The following ARHGAP11A variants were observed in gnomAD, a reference collection of about 807,000 sequenced individuals.
ARHGAP11A encodes the protein Rho GTPase activating protein 11A.
Under a neutral mutation model 60.5 loss-of-function variants are expected in ARHGAP11A, and 36 were observed. The observed-to-expected ratio is 0.59, with a 90% CI of 0.46 to 0.79. The LOEUF is 0.79. Among genes scored for constraint, ARHGAP11A ranks in the 30% least tolerant of loss-of-function variants. ARHGAP11A has a pLI of 0.00. For synonymous variants in ARHGAP11A, 362 were observed against 415.5 expected (o/e 0.87, Z 1.57); for missense variants, 1,071 against 1,199.2 (o/e 0.89, Z 1.58).
chr15:32,622,247 G>A (rs1435697834), intron 2 of ARHGAP11A, among the ~76,000 whole-genome samples: 3 of 152,302 alleles, frequency 2.0e-5, no homozygotes, highest in African/African-American at 4.8e-5. Context: ...GTGAAATCTT[G>A]TCTCTACAAA....
At position 32,636,656 on chromosome 15, in the gene ARHGAP11A, A is replaced by G. The variant is rs769722243; in HGVS notation, c.1883A>G (p.Lys628Arg). 6.2e-7 allele frequency: 1 copy of G among 1,613,904 alleles called. No homozygotes were observed. The highest frequency in any genetic ancestry group is 2.2e-5 in the East Asian group (1 of 44,856). Reference sequence around the variant, plus strand: ...TCAGTAACTAATGTGGGGAAAGTAAAATTAACTGAACCATCTTATTTAGAA... The same window carrying G: ...TCAGTAACTAATGTGGGGAAAGTAAGATTAACTGAACCATCTTATTTAGAA... Reference protein sequence around the residue: ...QSSVTNVGKVKLTEPSYLEDS... With the variant: ...QSSVTNVGKVRLTEPSYLEDS... Residue 628 changes from lysine to arginine, a missense_variant, in exon 12 of 12, where the codon AAA (lysine) becomes AGA (arginine). Transcript: ENST00000361627.
Position 32,636,355 on chromosome 15 carries a change from A to G in ARHGAP11A, c.1582A>G (p.Ser528Gly). ...RMSWTGPNNSSFQEVDANEAS... is the reference protein window; with the variant it reads ...RMSWTGPNNSGFQEVDANEAS... ...GTCTTGGACAGGACCTAATAATTCA[A>G]GTTTTCAAGAAGTAGATGCAAATGA... Residue 528 changes from serine to glycine, a missense_variant, in exon 12 of 12, where the codon AGT (serine) becomes GGT (glycine). Ser to Gly is a moderately conservative substitution (Grantham distance 56). This residue lies in a region of ARHGAP11A where 776 missense variants were observed against 760.2 expected (regional missense o/e 1.02). Transcript: ENST00000361627. 1 of 1,614,118 alleles carries G rather than the reference A, an allele frequency of 6.2e-7. No individual in the cohort carries two copies.
At chr15:32,628,384 C>A (rs933022145) in intron 6 of ARHGAP11A, among the ~76,000 whole-genome samples, 6 of 152,098 alleles carry the variant, frequency 3.9e-5, no homozygotes, top group African/African-American at 1.4e-4. Flanking sequence ...TTTATTCGTG[C>A]CTCCATTTCC....
chr15:32,616,255 T>C lies in ARHGAP11A; in HGVS notation c.44T>C (p.Leu15Pro), dbSNP rs2053140042. 1 of 1,614,032 alleles carries C rather than the reference T, an allele frequency of 6.2e-7. No individual in the cohort carries two copies. Among genetic ancestry groups the C allele is most frequent in the South Asian group, 1.1e-5 (1 of 91,084 alleles). The change falls in exon 1 of 12, where the codon CTG (leucine) becomes CCG (proline). Residue 15 changes from leucine to proline, a missense_variant. By Grantham distance (98) the Leu-to-Pro change is moderately conservative. Around this residue, in one of 4 missense-constraint regions of ARHGAP11A, gnomAD observed 28 missense variants for 24.5 expected, o/e 1.14. Coordinates refer to ENST00000361627, the MANE Select transcript of ARHGAP11A (RefSeq NM_014783.6). The stretch of plus-strand genomic sequence containing the variant: ...GTGAGGTTGGCCCTGTTGCAGCATC[T>C]GCGGGCCTTCTATGGTATTAAGGTG... Reference protein sequence around the residue: ...RLVRLALLQHLRAFYGIKVKG... With the variant: ...RLVRLALLQHPRAFYGIKVKG...
chr15:32,616,837 C>T (rs143402948), intron 1 of ARHGAP11A, among the ~76,000 whole-genome samples: 2,295 of 152,316 alleles, frequency 0.015, 68 homozygotes, highest in African/African-American at 0.053. Context: ...GCATTTTCTA[C>T]ATGAATCTGT....
intron 8 of ARHGAP11A, 35 bp from the exon 9 acceptor site, chr15:32,632,938 AATAGAT>A (rs2053616794): frequency 6.5e-7 from 1 of 1,539,552 alleles, no homozygotes; most frequent in Non-Finnish European, 8.8e-7. Context: ...TTAAAAGGAA[AATAGAT>A]ATGTGTGGTA....
Position 32,623,721 on chromosome 15 carries a change from A to G in ARHGAP11A, c.297+133A>G, listed in dbSNP as rs1567051680. 11 of 848,128 alleles carry G rather than the reference A, an allele frequency of 1.3e-5. No individual in the cohort carries two copies. In the Admixed American group the frequency reaches 1.4e-4, roughly 11 times the overall value. The allele number at this position is 848,128 out of a possible 1,614,324, so 52.5% of individuals were successfully genotyped here. ...ATTTGCATTTTTTTCATGGCAGAAG[A>G]TTTTTTTTTTCCAAAAGAAATGGTA... is the stretch of plus-strand genomic sequence containing the variant. On this transcript the variant is annotated intron_variant, in intron 3 of 11. Transcript: ENST00000361627.
At chr15:32,635,712 T>C in intron 10 of ARHGAP11A, 65 bp from the exon 11 acceptor site, 1 of 1,141,786 alleles carries the variant, frequency 8.8e-7, no homozygotes, top group Non-Finnish European at 1.2e-6. Flanking sequence ...AAAAAATTAT[T>C]CTGTCTTTAT....
rs1370212807 is a variant in ARHGAP11A at position 32,637,207 on chromosome 15, C to G, written c.2434C>G (p.Gln812Glu). 1 of 1,614,190 alleles carries G rather than the reference C, an allele frequency of 6.2e-7. No individual in the cohort carries two copies. Among genetic ancestry groups the G allele is most frequent in the Non-Finnish European group, 8.5e-7 (1 of 1,180,014 alleles). The stretch of plus-strand genomic sequence containing the variant: ...ACATAGAAAGGTTTCTGATCACATA[C>G]AGTGGTTTAACAAGCTTTCTTTAAA... ...TEHRKVSDHI[Q>E]WFNKLSLNEP... The change falls in exon 12 of 12, where the codon CAG (glutamine) becomes GAG (glutamate). Residue 812 changes from glutamine to glutamate, a missense_variant. Gln to Glu is a conservative substitution (Grantham distance 29). Around this residue, in one of 4 missense-constraint regions of ARHGAP11A, gnomAD observed 776 missense variants for 760.2 expected, o/e 1.02. Coordinates refer to ENST00000361627, the MANE Select transcript of ARHGAP11A (RefSeq NM_014783.6).
intron 1 of ARHGAP11A, among the ~76,000 whole-genome samples, chr15:32,616,941 C>T (rs1308627546): frequency 6.6e-6 from 1 of 152,134 alleles, no homozygotes; most frequent in Non-Finnish European, 1.5e-5. Context: ...TTGGCCATGT[C>T]ATACTTTTGG....
At chr15:32,629,517 G>T in intron 7 of ARHGAP11A, 78 bp from the exon 8 acceptor site, 6 of 1,234,460 alleles carry the variant, frequency 4.9e-6, no homozygotes, top group Non-Finnish European at 6.7e-6. Context: ...AGCTTTATAA[G>T]AAGAAATTAT....
rs577337803 is a variant in ARHGAP11A at position 32,624,539 on chromosome 15, C to T, written c.551+113C>T. 133 of 1,443,056 alleles carry T rather than the reference C, an allele frequency of 9.2e-5. No homozygotes were observed. In the Middle Eastern group the frequency reaches 1.0e-3, roughly 11 times the overall value. The allele number at this position is 1,443,056 out of a possible 1,614,324, so 89.4% of individuals were successfully genotyped here. ...AATGGAAATTTTTCTTTAAAAATTC[C>T]ATATTTCATTACTATGAGGAGTATA... On this transcript the variant is annotated intron_variant, in intron 4 of 11. Transcript: ENST00000361627.
intron 2 of ARHGAP11A, among the ~76,000 whole-genome samples, chr15:32,621,138 C>T (rs1336362379): frequency 1.2e-4 from 7 of 58,004 alleles, no homozygotes; most frequent in East Asian, 4.3e-4. Flanking sequence ...AAATGTATCA[C>T]TTAGCTTTTC....
In ARHGAP11A at chr15:32,635,780, G is replaced by A. The variant is rs528809926; in HGVS notation, c.1348G>A (p.Gly450Arg). 1.3e-6 allele frequency: 2 copies of A among 1,591,906 alleles called. No homozygotes were observed. Among genetic ancestry groups the A allele is most frequent in the South Asian group, 2.3e-5 (2 of 86,530 alleles). The stretch of plus-strand genomic sequence containing the variant: ...AAACTTTTTTTTTTCTGTACAGAAT[G>A]GATGTTCTGGTGTCAATAGATATGA... ...NLGKNGREVNGCSGVNRYESV... is the reference protein window; with the variant it reads ...NLGKNGREVNRCSGVNRYESV... Residue 450 changes from glycine to arginine, a missense_variant, in exon 11 of 12, where the codon GGA (glycine) becomes AGA (arginine). This residue lies in a region of ARHGAP11A where 776 missense variants were observed against 760.2 expected (regional missense o/e 1.02). Transcript: ENST00000361627.
chr15:32,636,561 G>T lies in ARHGAP11A; in HGVS notation c.1788G>T (p.Leu596Phe), dbSNP rs762923878. The T allele has an allele frequency of 6.2e-7, 1 of 1,614,072 alleles. No individual in the cohort carries two copies. The highest frequency in any genetic ancestry group is 1.7e-5 in the Admixed American group (1 of 60,018). Residue 596 changes from leucine (L) to phenylalanine (F), a missense_variant, in exon 12 of 12, where the codon TTG becomes TTT. By Grantham distance (22) the Leu-to-Phe change is conservative (BLOSUM62 0). This residue lies in a region of ARHGAP11A where 776 missense variants were observed against 760.2 expected (regional missense o/e 1.02). Coordinates refer to ENST00000361627, the MANE Select transcript of ARHGAP11A (RefSeq NM_014783.6). ...GDENNMTKET[L>F]VKVQKAFSES... ...AAAATAACATGACCAAAGAGACTTT[G>T]GTGAAAGTTCAAAAAGCGTTTTCTG... is the stretch of plus-strand genomic sequence containing the variant.
At chr15:32,618,489 T>G (rs1026797530) in intron 1 of ARHGAP11A, among the ~76,000 whole-genome samples, 2 of 152,246 alleles carry the variant, frequency 1.3e-5, no homozygotes, top group East Asian at 3.8e-4. Flanking sequence ...GAATGCTTAC[T>G]GTGTGTCAGA....
chr15:32,628,031 A>G (rs1181456841), intron 6 of ARHGAP11A, among the ~76,000 whole-genome samples: 3 of 152,078 alleles, frequency 2.0e-5, no homozygotes, highest in Non-Finnish European at 4.4e-5. Context: ...GCTGGTCTCT[A>G]ACTCCTGACA....
intron 1 of ARHGAP11A, among the ~76,000 whole-genome samples, chr15:32,618,837 A>G (rs2140440160): frequency 7.0e-6 from 1 of 143,410 alleles, no homozygotes; most frequent in East Asian, 2.1e-4. Context: ...CTGTAGTCCC[A>G]GCTACTCGGG....
chr15:32,632,808 T>G (rs1020606692), intron 8 of ARHGAP11A, 171 bp from the exon 9 acceptor site: 1 of 540,782 alleles, frequency 1.8e-6, no homozygotes, highest in Non-Finnish European at 3.1e-6. Context: ...ATGCTTTTTC[T>G]TAGCTGAGTT....
Sources: allele counts gnomAD v4.1 joint callset (sites outside exome capture counted in the v4.1 genomes callset), GRCh38; gene constraint gnomAD v4.1.1; regional missense constraint gnomAD v4.1.1; transcripts MANE v1.5; gene names NCBI Gene and HGNC (gene_info 2026-07-23, HGNC 2026-07-21).